STAB2: variants seen among roughly 807,000 people sequenced by gnomAD.
STAB2 encodes the protein stabilin 2, also known as stabilin-2.
Under a neutral mutation model 338.1 loss-of-function variants are expected in STAB2, and 288 were observed. That is an observed-to-expected ratio of 0.85 (90% CI 0.77 to 0.94). The LOEUF is 0.94. Ranked by LOEUF, STAB2 falls within the 40% of genes least tolerant of loss-of-function variation. STAB2 has a pLI of 0.00. For synonymous variants in STAB2, 1,202 were observed against 1,193.3 expected, an observed-to-expected ratio of 1.01 and a Z score of -0.15; for missense variants, 3,141 against 3,210.1, an observed-to-expected ratio of 0.98 and a Z score of 0.52.
chr12:103,739,588 T>G, intron 54 of STAB2, 120 bp downstream of exon 54: 1 of 734,064 alleles, frequency 1.4e-6, no homozygotes, highest in Admixed American at 3.8e-5. Context: ...TGCACGTATG[T>G]TGCATAAATG....
intron 60 of STAB2, among the ~76,000 whole-genome samples, chr12:103,751,546 T>C (rs961036330): frequency 1.3e-5 from 2 of 152,098 alleles, no homozygotes; most frequent in African/African-American, 4.8e-5. Context: ...TTGGGGATAT[T>C]CTATGGTCTA....
At chr12:103,643,819 G>A (rs56077319) in intron 9 of STAB2, among the ~76,000 whole-genome samples, 31,083 of 150,966 alleles carry the variant, frequency 0.21, 3,452 homozygotes, top group South Asian at 0.38. Context: ...CGCCCCGACC[G>A]GGAGGGAGGT....
chr12:103,735,596 AAGGGTGGGC>A lies in STAB2; in HGVS notation c.5550+21_5550+29del. On this transcript the variant is annotated intron_variant, in intron 52 of 68. Transcript: ENST00000388887. ...CAGGGACATCGTGAGTATCATCATG[AAGGGTGGGC>A]AGGGAGGGGTTAACACATTCACAGC... 1 of 1,098,906 alleles carries A rather than the reference AAGGGTGGGC, an allele frequency of 9.1e-7. No individual in the cohort carries two copies. The highest frequency in any genetic ancestry group is 1.3e-6 in the Non-Finnish European group (1 of 752,728). The allele number at this position is 1,098,906 out of a possible 1,614,324, so 68.1% of individuals were successfully genotyped here.
At chr12:103,692,948 C>T (rs1019895095) in intron 31 of STAB2, 59 bp downstream of exon 31, 99 of 1,440,402 alleles carry the variant, frequency 6.9e-5, no homozygotes, top group Middle Eastern at 5.3e-4. Flanking sequence ...TGTTTATCGT[C>T]CTATACAGCA....
intron 3 of STAB2, among the ~76,000 whole-genome samples, chr12:103,601,586 C>T (rs1399875966): frequency 1.3e-5 from 2 of 152,128 alleles, no homozygotes; most frequent in African/African-American, 4.8e-5. Context: ...AGCGAGACTC[C>T]ATGTCAAAAA....
chr12:103,658,317 G>T (rs138727529), intron 15 of STAB2, among the ~76,000 whole-genome samples: 1 of 152,108 alleles, frequency 6.6e-6, no homozygotes, highest in Admixed American at 6.5e-5. Context: ...GCACCAAAAG[G>T]CTCTTCAACA....
intron 44 of STAB2, among the ~76,000 whole-genome samples, chr12:103,720,304 A>C (rs1880659146): frequency 6.6e-6 from 1 of 152,156 alleles, no homozygotes; most frequent in Non-Finnish European, 1.5e-5. Context: ...TTGCTACTCT[A>C]TCTCAGCAGC....
At position 103,619,755 on chromosome 12, in the gene STAB2, C is replaced by A. The variant is rs1186020889; in HGVS notation, c.332-713C>A. Among the ~76,000 whole-genome samples, 11 of 147,066 alleles carry A rather than the reference C, an allele frequency of 7.5e-5. 1 individual carries two copies. Among genetic ancestry groups the A allele is most frequent in the Non-Finnish European group, 1.3e-4 (9 of 67,124 alleles). ...ATTTTACCTCATCAGCAACGCCCCC[C>A]GCCCCCGCCACCCCACAACTCTCAC... On this transcript the variant is annotated intron_variant, in intron 3 of 68. Coordinates refer to ENST00000388887, the MANE Select transcript of STAB2 (RefSeq NM_017564.10).
chr12:103,746,771 G>C, intron 58 of STAB2, 67 bp downstream of exon 58: 1 of 1,507,514 alleles, frequency 6.6e-7, no homozygotes, highest in Non-Finnish European at 9.2e-7. Flanking sequence ...CTTGCTCACA[G>C]TGCCTGGGCT....
intron 65 of STAB2, among the ~76,000 whole-genome samples, chr12:103,759,881 G>T (rs1884411793): frequency 6.6e-6 from 1 of 152,188 alleles, no homozygotes. Flanking sequence ...CTCATATGGA[G>T]AATAGAGACC....
intron 42 of STAB2, among the ~76,000 whole-genome samples, chr12:103,714,055 A>G (rs1367753603): frequency 6.6e-6 from 1 of 152,264 alleles, no homozygotes; most frequent in Non-Finnish European, 1.5e-5. Context: ...CAAGTAGCAC[A>G]TGCTCACTGT....
In STAB2 at chr12:103,695,685, G is replaced by T. The variant is rs138768166; in HGVS notation, c.3474+37G>T. On this transcript the variant is annotated intron_variant, in intron 32 of 68. Transcript: ENST00000388887. Reference sequence around the variant, plus strand: ...ATTCTCTGCCTGACCACCATGCTCAGGTTACCCAGGAACAGGAATCCCTCA... The same window carrying T: ...ATTCTCTGCCTGACCACCATGCTCATGTTACCCAGGAACAGGAATCCCTCA... 4.9e-4 allele frequency: 789 copies of T among 1,614,090 alleles called. 8 individuals are homozygous for T. In the African/African-American group the frequency reaches 9.3e-3, roughly 19 times the overall value.
chr12:103,733,959 G>A (rs867325865), intron 51 of STAB2, among the ~76,000 whole-genome samples: 4 of 148,526 alleles, frequency 2.7e-5, no homozygotes, highest in Admixed American at 6.8e-5. Flanking sequence ...GAGCAAGCAC[G>A]ATCATAGGGG....
chr12:103,753,428 G>C, intron 61 of STAB2, 75 bp downstream of exon 61: 1 of 1,601,486 alleles, frequency 6.2e-7, no homozygotes, highest in Non-Finnish European at 8.5e-7. Context: ...TTAAGATGGG[G>C]AAGACTTGAG....
At chr12:103,628,607 C>A (rs1324412900) in intron 5 of STAB2, among the ~76,000 whole-genome samples, 1 of 152,190 alleles carries the variant, frequency 6.6e-6, no homozygotes, top group Non-Finnish European at 1.5e-5. Context: ...CCTCTGGTAG[C>A]CCCAGCTGTT....
At position 103,638,094 on chromosome 12, in the gene STAB2, C is replaced by T. The variant is rs370295880; in HGVS notation, c.788C>T (p.Thr263Ile). The T allele has an allele frequency of 1.5e-5, 24 of 1,614,238 alleles. No individual in the cohort carries two copies. The highest frequency in any genetic ancestry group is 1.9e-5 in the Non-Finnish European group (23 of 1,180,054). ...CTGGGACCAAATCGGCACAGTTGTA[C>T]ATGCCAAGAAGGCTACCGTGGGGAT... ...TYLGPNRHSCTCQEGYRGDGQ... is the reference protein window; with the variant it reads ...TYLGPNRHSCICQEGYRGDGQ... The change falls in exon 8 of 69, where the codon ACA (threonine) becomes ATA (isoleucine). Residue 263 changes from threonine (T) to isoleucine (I), a missense_variant. By Grantham distance (89) the Thr-to-Ile change is moderately conservative. Coordinates refer to ENST00000388887, the MANE Select transcript of STAB2 (RefSeq NM_017564.10).
chr12:103,594,361 A>C, intron 2 of STAB2, 34 bp from the exon 3 acceptor site: 2 of 1,531,136 alleles, frequency 1.3e-6, no homozygotes, highest in Non-Finnish European at 1.8e-6. Context: ...CATTGCTCTT[A>C]TCGTGGGTTA....
intron 19 of STAB2, among the ~76,000 whole-genome samples, chr12:103,667,702 A>T (rs533554678): frequency 6.6e-6 from 1 of 152,204 alleles, no homozygotes; most frequent in African/African-American, 2.4e-5. Flanking sequence ...ATTCCTTCAT[A>T]TAGCTAATAT....
At chr12:103,647,587 T>C (rs903185) in intron 9 of STAB2, among the ~76,000 whole-genome samples, 147,359 of 152,336 alleles carry the variant, frequency 0.97, 71,393 homozygotes, top group African/African-American at 0.99. Context: ...ATAGTTGTGG[T>C]CTGCTATAGC....
Sources: allele counts gnomAD v4.1 joint callset (sites outside exome capture counted in the v4.1 genomes callset), GRCh38; gene constraint gnomAD v4.1.1; transcripts MANE v1.5; gene names NCBI Gene and HGNC (gene_info 2026-07-23, HGNC 2026-07-21).